LZTS2: variants seen among roughly 807,000 people sequenced by gnomAD.
LZTS2 encodes leucine zipper putative tumor suppressor 2.
LZTS2 carries 32 observed loss-of-function variants against 60.6 expected under a neutral mutation model. The observed-to-expected ratio is 0.53, with a 90% confidence interval of 0.40 to 0.71. The LOEUF (loss-of-function observed/expected upper bound fraction) is 0.71, where lower values mean the gene tolerates loss of function less well. Ranked by LOEUF, LZTS2 falls within the 30% of genes least tolerant of loss-of-function variation. LZTS2 has a pLI of 0.00. For synonymous variants in LZTS2, 360 were observed against 393.1 expected (o/e 0.92, Z 1.00); for missense variants, 792 against 901.9 (o/e 0.88, Z 1.56).
intron 1 of LZTS2, 85 bp downstream of exon 2, chr10:101,003,031 A>C: frequency 9.0e-6 from 13 of 1,443,144 alleles, no homozygotes; most frequent in African/African-American, 1.4e-5. Context: ...ATATAGAGGA[A>C]AGAGTGTGGG....
chr10:100,997,748 A>G (rs1851945052), upstream of LZTS2, among the ~76,000 whole-genome samples: 1 of 152,186 alleles, frequency 6.6e-6, no homozygotes, highest in South Asian at 2.1e-4. Flanking sequence ...CACGGGGCGG[A>G]AATCCACCCT....
exon 3 of LZTS2, chr10:101,005,499 G>T: frequency 6.3e-7 from 1 of 1,583,992 alleles, no homozygotes; most frequent in South Asian, 1.1e-5. Context: ...GAGAGCGTGA[G>T]GCCCTGCGAG....
exon 1 of LZTS2, chr10:101,002,750 A>T (rs754196550): frequency 6.2e-7 from 1 of 1,613,282 alleles, no homozygotes; most frequent in Non-Finnish European, 8.5e-7. Context: ...GAGGCACAGG[A>T]GCCGCTGTGC....
chr10:100,998,102 C>T (rs1851951679), upstream of LZTS2, among the ~76,000 whole-genome samples: 1 of 152,196 alleles, frequency 6.6e-6, no homozygotes, highest in Non-Finnish European at 1.5e-5. Context: ...TCGGAGTCTC[C>T]TCCCCCCAGA....
At chr10:101,004,571 C>T (rs1224298717) in intron 2 of LZTS2, among the ~76,000 whole-genome samples, 1 of 152,184 alleles carries the variant, frequency 6.6e-6, no homozygotes, top group Non-Finnish European at 1.5e-5. Context: ...CCATTGCACT[C>T]CAGCCTGGGC....
intron 2 of LZTS2, among the ~76,000 whole-genome samples, chr10:101,004,785 A>C (rs545849108): frequency 6.6e-5 from 10 of 152,210 alleles, no homozygotes; most frequent in Non-Finnish European, 1.5e-4. Context: ...AATAAGGCAA[A>C]AGGTGTAAAG....
chr10:100,999,509 G>T (rs1342675998), exon 1 of LZTS2: 1 of 152,332 alleles, frequency 6.6e-6, no homozygotes, highest in Non-Finnish European at 1.5e-5. Context: ...CTTTGTGCTG[G>T]AACAATGACC....
chr10:101,005,795 TC>T, intron 3 of LZTS2, 80 bp downstream of exon 4: 1 of 1,418,380 alleles, frequency 7.1e-7, no homozygotes, highest in Middle Eastern at 2.6e-4. Context: ...CCACCCTCCC[TC>T]AGCCTGCCAC....
upstream of LZTS2, chr10:100,997,082 C>G (rs1166093428): frequency 6.5e-6 from 1 of 152,702 alleles, no homozygotes; most frequent in Admixed American, 6.5e-5. Context: ...CCAGGTCGGG[C>G]CAGGCGGGCG....
rs1293512639 is a variant in LZTS2, at chr10:101,003,629, C to A, written c.531C>A (p.Gly177=). 16 of 1,604,908 alleles carry A rather than the reference C, an allele frequency of 1.0e-5. No individual in the cohort carries two copies. The East Asian group carries it at 1.3e-4, about 13-fold the overall frequency. Residue 177 remains glycine (G), a synonymous_variant, in exon 2 of 4, where the codon GGC becomes GGA. Coordinates refer to ENST00000370220, the Ensembl canonical transcript of LZTS2. ...CCACCGGGCTGTCTGGGAGCCAGGGCAGCCTGACGCAGCTGTTTGGGGGCC... is the reference window on the plus strand; with the variant it reads ...CCACCGGGCTGTCTGGGAGCCAGGGAAGCCTGACGCAGCTGTTTGGGGGCC...
chr10:100,997,286 C>G (rs1221902877), upstream of LZTS2: 1 of 152,164 alleles, frequency 6.6e-6, no homozygotes, highest in East Asian at 1.9e-4. Flanking sequence ...CGCTCATCCC[C>G]GCTCCTGAAC....
chr10:101,001,951 C>G (rs983841409), exon 1 of LZTS2: 3 of 152,214 alleles, frequency 2.0e-5, no homozygotes, highest in Admixed American at 6.5e-5. Flanking sequence ...TTAGCCAGAT[C>G]GACAGAGAGG....
chr10:101,005,904 G>T (rs142011500), intron 3 of LZTS2, among the ~76,000 whole-genome samples, 189 bp downstream of exon 4: 1 of 152,208 alleles, frequency 6.6e-6, no homozygotes, highest in Non-Finnish European at 1.5e-5. Flanking sequence ...CTAGTGGCAC[G>T]TAGCCACGCT....
In LZTS2 at chr10:101,006,915, G is replaced by A. The variant is rs758140538; in HGVS notation, c.1757G>A (p.Arg586Gln). Residue 586 changes from arginine (R) to glutamine (Q), a missense_variant, in exon 4 of 4, where the codon CGG becomes CAG. By Grantham distance (43) the Arg-to-Gln change is conservative. Transcript: ENST00000370220. The stretch of plus-strand genomic sequence containing the variant: ...TTGCGGGTGGAGCTGCAGCGGGAGC[G>A]GCGGCGGGGTGAGGAGCAGCGGGAC... 52 of 1,530,276 alleles carry A rather than the reference G, an allele frequency of 3.4e-5. No homozygotes were observed. The Admixed American group carries it at 4.6e-4, about 14-fold the overall frequency. The allele number at this position is 1,530,276 out of a possible 1,614,324, so 94.8% of individuals were successfully genotyped here.
exon 3 of LZTS2, chr10:101,005,697 TGAG>T: frequency 6.3e-7 from 1 of 1,586,810 alleles, no homozygotes; most frequent in Non-Finnish European, 8.6e-7. Context: ...GGCCGAGGCT[TGAG>T]GAGACCAAGT....
exon 4 of LZTS2, chr10:101,006,979 G>C (rs1852229019): frequency 1.3e-6 from 2 of 1,553,210 alleles, no homozygotes; most frequent in African/African-American, 1.4e-5. Context: ...AGGCAGAGAA[G>C]GAGCAGGTGA....
At chr10:101,006,529 G>A (rs1201622999) in exon 4 of LZTS2, 1 of 1,611,524 alleles carries the variant, frequency 6.2e-7, no homozygotes, top group East Asian at 2.2e-5. Context: ...AGCAGCAGCT[G>A]AAAGAGTCTC....
intron 2 of LZTS2, 116 bp downstream of exon 3, chr10:101,004,282 C>A (rs1021573303): frequency 2.6e-6 from 3 of 1,146,200 alleles, no homozygotes; most frequent in East Asian, 2.6e-5. Context: ...TAGTTGTGAC[C>A]CCCCTGCCCT....
At chr10:100,999,985 G>C (rs981877916) in exon 1 of LZTS2, 3 of 153,136 alleles carry the variant, frequency 2.0e-5, no homozygotes, top group Non-Finnish European at 4.4e-5. Context: ...GGCGGCCTGG[G>C]GAGCCCCCAA....
Sources: gnomAD v4.1 joint callset for allele counts (sites outside exome capture counted in the v4.1 genomes callset) on GRCh38, gnomAD v4.1.1 for gene constraint, MANE v1.5 for transcripts, NCBI Gene and HGNC (gene_info 2026-07-23, HGNC 2026-07-21) for gene names.